OSBPL1A: variants seen among roughly 807,000 people sequenced by gnomAD.
OSBPL1A encodes oxysterol-binding protein-related protein 1.
A neutral mutation model predicts 137.1 loss-of-function variants in OSBPL1A; 80 were observed. That is an observed-to-expected ratio of 0.58 (90% CI 0.49 to 0.70). The LOEUF (loss-of-function observed/expected upper bound fraction) is 0.70, where lower values mean the gene tolerates loss of function less well. Ranked by LOEUF, OSBPL1A falls within the 30% of genes least tolerant of loss-of-function variation. The probability of loss-of-function intolerance (pLI) is 0.00; values close to 1 mark genes in which losing one functional copy is unlikely to be tolerated. For missense variants in OSBPL1A, 970 were observed against 1,129.4 expected (o/e 0.86, Z 2.02); for synonymous variants, 365 against 389.7 (o/e 0.94, Z 0.75).
chr18:24,301,073 A>C (rs2090391385), intron 14 of OSBPL1A, among the ~76,000 whole-genome samples: 1 of 152,238 alleles, frequency 6.6e-6, no homozygotes, highest in South Asian at 2.1e-4. Context: ...GGCAGGCTCA[A>C]TTACATTCAA....
At chr18:24,392,371 C>G (rs1907419387) in intron 1 of OSBPL1A, among the ~76,000 whole-genome samples, 1 of 152,010 alleles carries the variant, frequency 6.6e-6, no homozygotes, top group Non-Finnish European at 1.5e-5. Flanking sequence ...GTTGGTCAGG[C>G]TGGTCTCAAA....
intron 14 of OSBPL1A, among the ~76,000 whole-genome samples, chr18:24,298,614 G>C (rs930520058): frequency 2.0e-5 from 3 of 152,172 alleles, no homozygotes; most frequent in Non-Finnish European, 4.4e-5. Flanking sequence ...CAAAGTGCTG[G>C]GATTACAGGC....
chr18:24,200,172 A>C (rs959618305), intron 17 of OSBPL1A, among the ~76,000 whole-genome samples: 2 of 152,084 alleles, frequency 1.3e-5, no homozygotes, highest in African/African-American at 4.8e-5. Context: ...TATCTCAATT[A>C]AGCTACTAAA....
chr18:24,360,479 G>A (rs2091605310), intron 4 of OSBPL1A, among the ~76,000 whole-genome samples: 1 of 152,156 alleles, frequency 6.6e-6, no homozygotes, highest in African/African-American at 2.4e-5. Context: ...GCACAATTCA[G>A]TCATGCTTAG....
chr18:24,376,696 G>A (rs1906175502), intron 2 of OSBPL1A, among the ~76,000 whole-genome samples: 1 of 152,242 alleles, frequency 6.6e-6, no homozygotes, highest in Admixed American at 6.5e-5. Flanking sequence ...GCTGAAGCAT[G>A]GCCGACTGCA....
intron 4 of OSBPL1A, among the ~76,000 whole-genome samples, chr18:24,363,044 G>T (rs886280656): frequency 2.0e-5 from 3 of 152,146 alleles, no homozygotes; most frequent in Admixed American, 6.5e-5. Context: ...AAAACAAAAG[G>T]CAAAAACCCA....
At chr18:24,395,815 T>C (rs1011286628) in intron 1 of OSBPL1A, among the ~76,000 whole-genome samples, 1 of 149,692 alleles carries the variant, frequency 6.7e-6, no homozygotes, top group Admixed American at 6.7e-5. Context: ...AGAGACAGGG[T>C]TTCATCATTT....
chr18:24,245,913 G>A (rs2088867202), intron 15 of OSBPL1A, among the ~76,000 whole-genome samples: 1 of 151,936 alleles, frequency 6.6e-6, no homozygotes, highest in Non-Finnish European at 1.5e-5. Flanking sequence ...ACTCATTTAA[G>A]AATAAAAATT....
chr18:24,246,435 T>C (rs186337855), intron 15 of OSBPL1A, among the ~76,000 whole-genome samples: 8 of 151,968 alleles, frequency 5.3e-5, no homozygotes, highest in Admixed American at 1.3e-4. Context: ...TTTATTTACT[T>C]TTTACTATGA....
intron 17 of OSBPL1A, among the ~76,000 whole-genome samples, chr18:24,219,961 G>A (rs908849112): frequency 1.3e-5 from 2 of 152,138 alleles, no homozygotes; most frequent in African/African-American, 4.8e-5. Flanking sequence ...AGCCCTATTC[G>A]CTGGATAACC....
chr18:24,364,778 C>G (rs1420778471), intron 4 of OSBPL1A: 1 of 151,988 alleles, frequency 6.6e-6, no homozygotes, highest in East Asian at 1.9e-4. Context: ...TCCCGACACT[C>G]TGAGAGACCG....
At chr18:24,163,703 C>G (rs1048702028) in intron 27 of OSBPL1A, among the ~76,000 whole-genome samples, 2 of 151,698 alleles carry the variant, frequency 1.3e-5, no homozygotes, top group Non-Finnish European at 2.9e-5. Context: ...TGTAAGGCAC[C>G]TGGTTCAGTG....
At chr18:24,175,806 G>A (rs1473208481) in intron 21 of OSBPL1A, among the ~76,000 whole-genome samples, 2 of 152,078 alleles carry the variant, frequency 1.3e-5, no homozygotes, top group African/African-American at 4.8e-5. Flanking sequence ...GCTGATTTTT[G>A]TAAAAGGCGT....
At chr18:24,321,021 T>C (rs1402656471) in intron 7 of OSBPL1A, among the ~76,000 whole-genome samples, 1 of 126,200 alleles carries the variant, frequency 7.9e-6, no homozygotes, top group African/African-American at 3.2e-5. Flanking sequence ...AGAGCAAGAC[T>C]TCGTCTCAAA....
chr18:24,198,862 T>C (rs1260645715), intron 17 of OSBPL1A, among the ~76,000 whole-genome samples: 1 of 133,230 alleles, frequency 7.5e-6, no homozygotes, highest in Non-Finnish European at 1.6e-5. Context: ...TTTTTTTTGT[T>C]GTTTTTTTTT....
rs2089727108 is a variant in OSBPL1A at position 24,271,812 on chromosome 18, C to G, written c.1281+9030G>C. The G allele has an allele frequency of 1.0e-6, 1 of 985,394 alleles. No individual in the cohort carries two copies. Among genetic ancestry groups the G allele is most frequent in the Non-Finnish European group, 1.2e-6 (1 of 829,952 alleles). 61.0% of individuals were successfully genotyped at this position (985,394 alleles called of 1,614,324 possible). A position where few individuals can be genotyped will look rare whatever the true frequency, so the allele number is the denominator to read the frequency against. On this transcript the variant is annotated intron_variant, in intron 15 of 27. Coordinates refer to ENST00000319481, the MANE Select transcript of OSBPL1A (RefSeq NM_080597.4). The surrounding 1 kb of genome is among the most constrained non-coding windows in gnomAD (Gnocchi z 4.0). ...CCTTTGCGCAGCCTGCCCCTGGCTC[C>G]GGCCGGGCAGCAGCGCCAGCCTTCC...
chr18:24,229,291 C>T lies in OSBPL1A; in HGVS notation c.1445-4093G>A, dbSNP rs537195768. Among the ~76,000 whole-genome samples, 8 of 152,296 alleles carry T rather than the reference C, an allele frequency of 5.3e-5. No homozygotes were observed. In the South Asian group the frequency reaches 1.7e-3, roughly 32 times the overall value. ...TACATGTCATGAGGTTCTGTATACTCACTAGAGAGGAATCATAAACTCTGA... is the reference window on the plus strand; with the variant it reads ...TACATGTCATGAGGTTCTGTATACTTACTAGAGAGGAATCATAAACTCTGA... On this transcript the variant is annotated intron_variant, in intron 16 of 27. Transcript: ENST00000319481.
In OSBPL1A at chr18:24,178,006, A is replaced by AACTC; in HGVS notation, c.2093+3_2093+6dup. 1.9e-6 allele frequency: 3 copies of AACTC among 1,611,794 alleles called. No homozygotes were observed. The highest frequency in any genetic ancestry group is 2.5e-6 in the Non-Finnish European group (3 of 1,178,048). Reference sequence around the variant, plus strand: ...GAAAAGAGTGTAATGGCTTGATCAGAACTCACTCAAGGAGCTCCAAGGTGA... The same window carrying AACTC: ...GAAAAGAGTGTAATGGCTTGATCAGAACTCACTCACTCAAGGAGCTCCAAGGTGA... On this transcript the variant is annotated splice_region_variant and intron_variant, in intron 21 of 27. Coordinates refer to ENST00000319481, the MANE Select transcript of OSBPL1A (RefSeq NM_080597.4).
Position 24,165,042 on chromosome 18 carries a change from C to G in OSBPL1A, c.2750+23G>C, listed in dbSNP as rs751856024. On this transcript the variant is annotated intron_variant, in intron 27 of 27. Transcript: ENST00000319481. ...AGCAGCCTGCCTGAGGGCTCAGCCACACCCCCTGACTCAGGCACGCACCTC... is the reference window on the plus strand; with the variant it reads ...AGCAGCCTGCCTGAGGGCTCAGCCAGACCCCCTGACTCAGGCACGCACCTC... 12 of 1,612,738 alleles carry G rather than the reference C, an allele frequency of 7.4e-6. No homozygotes were observed. In the East Asian group the frequency reaches 2.7e-4, roughly 36 times the overall value.
Sources: allele counts gnomAD v4.1 joint callset (sites outside exome capture counted in the v4.1 genomes callset), GRCh38; gene constraint gnomAD v4.1.1; non-coding constraint Gnocchi (gnomAD v3.1); transcripts MANE v1.5; gene names NCBI Gene and HGNC (gene_info 2026-07-23, HGNC 2026-07-21).